P3H1: variants seen among roughly 807,000 people sequenced by gnomAD.
The protein encoded by P3H1 is prolyl 3-hydroxylase 1.
In P3H1, 69 loss-of-function variants were observed where a neutral mutation model predicts 84.0. The ratio of observed to expected loss-of-function variants is 0.82; its 90% CI spans 0.68 to 1.00. The LOEUF is 1.00. Among genes scored for constraint, P3H1 ranks in the 50% least tolerant of loss-of-function variants. P3H1 has a pLI of 0.00. For synonymous variants in P3H1, 366 were observed against 388.8 expected (o/e 0.94, Z 0.69); for missense variants, 878 against 962.8 (o/e 0.91, Z 1.17).
chr1:42,758,774 G>A, intron 4 of P3H1, 78 bp downstream of exon 4: 1 of 1,516,964 alleles, frequency 6.6e-7, no homozygotes. Flanking sequence ...GAGGAAGTAA[G>A]TGGCTGTAAT....
At chr1:42,757,943 T>C (rs1652495980) in intron 4 of P3H1, 21 bp from the exon 5 acceptor site, 1 of 1,609,018 alleles carries the variant, frequency 6.2e-7, no homozygotes, top group African/African-American at 1.3e-5. Context: ...GAAAGAAGAA[T>C]GGCTGAGAGG....
chr1:42,753,892 C>T (rs1652243782), intron 8 of P3H1, among the ~76,000 whole-genome samples: 1 of 151,468 alleles, frequency 6.6e-6, no homozygotes, highest in South Asian at 2.1e-4. Flanking sequence ...CACCACTGCA[C>T]TCCAGCCTGG....
In P3H1 at chr1:42,752,790, C is replaced by T. The variant is rs551015048; in HGVS notation, c.1346-126G>A. On this transcript the variant is annotated intron_variant, in intron 8 of 14. Transcript: ENST00000296388. ...TTTCCTTTTCACCAGCAAAATCTCC[C>T]GCTAGGTCATTTTCAAAGGTAGAAT... 387 of 1,202,054 alleles carry T rather than the reference C, an allele frequency of 3.2e-4. 1 individual carries two copies. The highest frequency in any genetic ancestry group is 2.6e-3 in the South Asian group (195 of 76,280). 74.5% of individuals were successfully genotyped at this position (1,202,054 alleles called of 1,614,324 possible). A position where few individuals can be genotyped will look rare whatever the true frequency, so the allele number is the denominator to read the frequency against.
At position 42,766,696 on chromosome 1, in the gene P3H1, G is replaced by A; in HGVS notation, c.276C>T (p.Ser92=). ...DFPWELDPDW[S]PSPAQASGAA... Reference sequence around the variant, plus strand: ...CGCCCGAGGCCTGGGCCGGGCTGGGGGACCAGTCGGGGTCCAGCTCCCACG... The same window carrying A: ...CGCCCGAGGCCTGGGCCGGGCTGGGAGACCAGTCGGGGTCCAGCTCCCACG... The change falls in exon 1 of 15, where the codon TCC becomes TCT. Residue 92 remains serine, a synonymous_variant. Coordinates refer to ENST00000296388, the MANE Select transcript of P3H1 (RefSeq NM_022356.4). 9 of 1,531,708 alleles carry A rather than the reference G, an allele frequency of 5.9e-6. No homozygotes were observed. Among genetic ancestry groups the A allele is most frequent in the Non-Finnish European group, 7.9e-6 (9 of 1,139,854 alleles). 94.9% of individuals were successfully genotyped at this position (1,531,708 alleles called of 1,614,324 possible).
At chr1:42,755,405 C>T in intron 6 of P3H1, 143 bp downstream of exon 6, 1 of 947,762 alleles carries the variant, frequency 1.1e-6, no homozygotes, top group South Asian at 1.3e-5. Context: ...ATCTGTCTCT[C>T]ATCCCTGCCT....
chr1:42,748,401 A>C, intron 11 of P3H1, 84 bp from the exon 12 acceptor site: 8 of 1,043,022 alleles, frequency 7.7e-6, no homozygotes, highest in Non-Finnish European at 1.2e-5. Flanking sequence ...GTGCTTCCCA[A>C]AATGTGTTTG....
chr1:42,766,741 G>A lies in P3H1; in HGVS notation c.231C>T (p.Thr77=). 2 of 1,578,532 alleles carry A rather than the reference G, an allele frequency of 1.3e-6. No homozygotes were observed. The highest frequency in any genetic ancestry group is 1.7e-6 in the Non-Finnish European group (2 of 1,163,474). ...ALRALRLRCR[T]QCAADFPWEL... is the part of the protein sequence containing the mutation. ...CCCACGGGAAGTCGGCGGCACACTGGGTGCGGCAGCGCAGGCGAAGGGCGC... is the reference window on the plus strand; with the variant it reads ...CCCACGGGAAGTCGGCGGCACACTGAGTGCGGCAGCGCAGGCGAAGGGCGC... Residue 77 remains threonine, a synonymous_variant, in exon 1 of 15, where the codon ACC becomes ACT. Coordinates refer to ENST00000296388, the MANE Select transcript of P3H1 (RefSeq NM_022356.4).
In P3H1 at chr1:42,751,600, T is replaced by TAAAA. The variant is rs759399527; in HGVS notation, c.1569+670_1569+673dup. Reference sequence around the variant, plus strand: ...ATAAATAAATAAATAAATAAATAAATAAAATAATAAAAAATAAAAAATAAA... The same window carrying TAAAA: ...ATAAATAAATAAATAAATAAATAAATAAAAAAAATAATAAAAAATAAAAAATAAA... On this transcript the variant is annotated intron_variant, in intron 10 of 14. Coordinates refer to ENST00000296388, the MANE Select transcript of P3H1 (RefSeq NM_022356.4). The TAAAA allele has an allele frequency of 1.3e-4, 19 of 150,438 alleles. 1 individual carries two copies. The highest frequency in any genetic ancestry group is 2.6e-4 in the Non-Finnish European group (18 of 69,104). 9.3% of individuals were successfully genotyped at this position (150,438 alleles called of 1,614,324 possible).
chr1:42,766,406 TC>T (rs1195012177), intron 1 of P3H1, 100 bp downstream of exon 1: 1 of 1,103,454 alleles, frequency 9.1e-7, no homozygotes, highest in Non-Finnish European at 1.3e-6. Flanking sequence ...CACTTTCCCC[TC>T]CCTGCGGACA....
Position 42,752,537 on chromosome 1 carries a change from A to G in P3H1, c.1473T>C (p.Asn491=), listed in dbSNP as rs1652167769. The G allele has an allele frequency of 6.2e-7, 1 of 1,613,954 alleles. No individual in the cohort carries two copies. Among genetic ancestry groups the G allele is most frequent in the Non-Finnish European group, 8.5e-7 (1 of 1,180,008 alleles). ...HECQELQRLT[N]VAATSGDGYR... Reference sequence around the variant, plus strand: ...GGTGCAGTCACTGGGCTTCCCTTACATTGGTCAGTCTCTGCAGCTCCTGAC... The same window carrying G: ...GGTGCAGTCACTGGGCTTCCCTTACGTTGGTCAGTCTCTGCAGCTCCTGAC... The change falls in exon 9 of 15, where the codon AAT becomes AAC. Residue 491 remains asparagine (N), a splice_region_variant and synonymous_variant. Transcript: ENST00000296388.
chr1:42,763,298 G>A (rs1652813657), intron 1 of P3H1, among the ~76,000 whole-genome samples: 1 of 151,934 alleles, frequency 6.6e-6, no homozygotes, highest in South Asian at 2.1e-4. Flanking sequence ...AAAATTCTAA[G>A]GTCCTTTACT....
chr1:42,756,064 A>C (rs1326291083), intron 5 of P3H1, among the ~76,000 whole-genome samples: 3 of 152,214 alleles, frequency 2.0e-5, no homozygotes, highest in Non-Finnish European at 4.4e-5. Context: ...TTATAGCCAC[A>C]TCTGAGGTTG....
intron 1 of P3H1, among the ~76,000 whole-genome samples, chr1:42,766,007 TC>T (rs747617057): frequency 0.38 from 45,219 of 117,656 alleles, 8,266 homozygotes; most frequent in East Asian, 0.69. Context: ...AGCCAGAGGG[TC>T]CCCCCCCCGC....
In P3H1 at chr1:42,763,873, G is replaced by A. The variant is rs147352614; in HGVS notation, c.466-1398C>T. Among the ~76,000 whole-genome samples the A allele has an allele frequency of 8.1e-3, 1,230 of 152,028 alleles. 10 individuals are homozygous for A. Among genetic ancestry groups the A allele is most frequent in the Middle Eastern group, 0.017 (5 of 292 alleles). On this transcript the variant is annotated intron_variant, in intron 1 of 14. Coordinates refer to ENST00000296388, the MANE Select transcript of P3H1 (RefSeq NM_022356.4). ...AAAGAGACCAGCCGTGGCCAGGCACGGGGGTTCACGCCTATAATCCCAGCA... is the reference window on the plus strand; with the variant it reads ...AAAGAGACCAGCCGTGGCCAGGCACAGGGGTTCACGCCTATAATCCCAGCA...
intron 10 of P3H1, 98 bp from the exon 11 acceptor site, chr1:42,750,434 T>A: frequency 7.1e-7 from 1 of 1,405,956 alleles, no homozygotes; most frequent in Non-Finnish European, 9.9e-7. Context: ...ATAATTCCCA[T>A]GTGTTGTGGA....
intron 11 of P3H1, among the ~76,000 whole-genome samples, chr1:42,748,899 G>A (rs1174281073): frequency 6.6e-6 from 1 of 152,208 alleles, no homozygotes; most frequent in Non-Finnish European, 1.5e-5. Flanking sequence ...CATGCTCTAT[G>A]TAGGCACCGT....
At chr1:42,758,783 AT>A in intron 4 of P3H1, 68 bp downstream of exon 4, 1 of 1,577,350 alleles carries the variant, frequency 6.3e-7, no homozygotes, top group Non-Finnish European at 8.7e-7. Flanking sequence ...AGTGGCTGTA[AT>A]CCCTGCCCAC....
At chr1:42,762,206 G>C in intron 2 of P3H1, 117 bp downstream of exon 2, 1 of 1,027,640 alleles carries the variant, frequency 9.7e-7, no homozygotes, top group Non-Finnish European at 1.5e-6. Flanking sequence ...GGGAATTTGA[G>C]GTTACAGTGA....
In P3H1 at chr1:42,750,380, G is replaced by A. The variant is rs139220614; in HGVS notation, c.1570-44C>T. The A allele has an allele frequency of 4.2e-5, 67 of 1,611,034 alleles. No individual in the cohort carries two copies. In the African/African-American group the frequency reaches 8.1e-4, roughly 20 times the overall value. On this transcript the variant is annotated intron_variant, in intron 10 of 14. Transcript: ENST00000296388. Reference sequence around the variant, plus strand: ...GTCAGCTGCCCTCAACGACTGATATGGTTTGGCTCTGTGTCCCTACCCAAA... The same window carrying A: ...GTCAGCTGCCCTCAACGACTGATATAGTTTGGCTCTGTGTCCCTACCCAAA...
Sources: gnomAD v4.1 joint callset for allele counts (sites outside exome capture counted in the v4.1 genomes callset) on GRCh38, gnomAD v4.1.1 for gene constraint, MANE v1.5 for transcripts, NCBI Gene and HGNC (gene_info 2026-07-23, HGNC 2026-07-21) for gene names.